Variants in INSR observed in about 807,000 individuals in gnomAD.
INSR encodes IR.
Under a neutral mutation model 142.6 loss-of-function variants are expected in INSR, and 67 were observed. The observed-to-expected ratio is 0.47, with a 90% CI of 0.39 to 0.58. The LOEUF (loss-of-function observed/expected upper bound fraction) is 0.58, where lower values mean the gene tolerates loss of function less well. INSR is among the 20% of genes least tolerant of loss of function. INSR has a pLI of 0.00. For synonymous variants in INSR, 756 were observed against 743.1 expected (o/e 1.02, Z -0.28); for missense variants, 1,248 against 1,833.2 (o/e 0.68, Z 5.83).
intron 1 of INSR, among the ~76,000 whole-genome samples, chr19:7,278,980 T>G (rs1197695659): frequency 6.6e-6 from 1 of 151,890 alleles, no homozygotes; most frequent in Non-Finnish European, 1.5e-5. Flanking sequence ...AATACAAAAA[T>G]TAGCCAGGGA....
intron 1 of INSR, among the ~76,000 whole-genome samples, chr19:7,282,546 G>C (rs774678865): frequency 4.6e-5 from 7 of 151,442 alleles, no homozygotes; most frequent in Non-Finnish European, 1.0e-4. Context: ...GCTGGGCGTG[G>C]TGGCACATGC....
At chr19:7,122,526 A>G in intron 19 of INSR, 88 bp downstream of exon 19, 1 of 1,380,674 alleles carries the variant, frequency 7.2e-7, no homozygotes, top group Non-Finnish European at 1.0e-6. Flanking sequence ...TTATCAGAAA[A>G]GACTTAACGG....
Position 7,293,875 on chromosome 19 carries a change from C to T in INSR, c.17G>A (p.Arg6Gln), listed in dbSNP as rs1968567099. 2 of 1,238,736 alleles carry T rather than the reference C, an allele frequency of 1.6e-6. No individual in the cohort carries two copies. The highest frequency in any genetic ancestry group is 1.6e-5 in the African/African-American group (1 of 63,152). 76.7% of individuals were successfully genotyped at this position (1,238,736 alleles called of 1,614,324 possible). Residue 6 changes from arginine to glutamine, a missense_variant, in exon 1 of 22, where the codon CGG becomes CAG. Arg to Gln is a conservative substitution (Grantham distance 43). Around this residue, in one of 3 missense-constraint regions of INSR, gnomAD observed 57 missense variants for 49.5 expected, o/e 1.15. Coordinates refer to ENST00000302850, the MANE Select transcript of INSR (RefSeq NM_000208.4). ...CAGCGGCGCGGCCGCCGCCCCCCGCCGGCCCCCGGTGGCCATGGCTGCGGG... is the reference window on the plus strand; with the variant it reads ...CAGCGGCGCGGCCGCCGCCCCCCGCTGGCCCCCGGTGGCCATGGCTGCGGG... MATGG[R>Q]RGAAAAPLLV...
Position 7,150,385 on chromosome 19 carries a change from G to T in INSR, c.2267+112C>A. On this transcript the variant is annotated intron_variant, in intron 11 of 21. Coordinates refer to ENST00000302850, the MANE Select transcript of INSR (RefSeq NM_000208.4). The surrounding 1 kb of genome is among the most constrained non-coding windows in gnomAD (Gnocchi z 4.2). Reference sequence around the variant, plus strand: ...GAAGCATCTGCTCTCCAGCACAGCTGCCCGCCGCATGCAAAAAGCCACAGA... The same window carrying T: ...GAAGCATCTGCTCTCCAGCACAGCTTCCCGCCGCATGCAAAAAGCCACAGA... 1 of 896,974 alleles carries T rather than the reference G, an allele frequency of 1.1e-6. No individual in the cohort carries two copies. Among genetic ancestry groups the T allele is most frequent in the Non-Finnish European group, 1.8e-6 (1 of 550,164 alleles). 55.6% of individuals were successfully genotyped at this position (896,974 alleles called of 1,614,324 possible). A position where few individuals can be genotyped will look rare whatever the true frequency, so the allele number is the denominator to read the frequency against.
At chr19:7,131,598 G>A (rs1050481168) in intron 14 of INSR, among the ~76,000 whole-genome samples, 30 of 149,322 alleles carry the variant, frequency 2.0e-4, no homozygotes, top group Admixed American at 5.3e-4. Context: ...TGCCCGCCTC[G>A]GCCTCCCAAA....
At chr19:7,241,177 GT>G (rs80160830) in intron 2 of INSR, among the ~76,000 whole-genome samples, 46,212 of 137,332 alleles carry the variant, frequency 0.34, 8,479 homozygotes, top group African/African-American at 0.54. Flanking sequence ...ATTTTATTTT[GT>G]TTTTTTTTTT....
rs559095741 is a variant in INSR at position 7,197,684 on chromosome 19, A to AGT, written c.653-13049_653-13048dup. On this transcript the variant is annotated intron_variant, in intron 2 of 21. Transcript: ENST00000302850. ...TGTGTTTGGCAGGTTCCAGAGTGGG[A>AGT]GTGTGTGTGTGTGTTTGGCAGGTTC... Among the ~76,000 whole-genome samples, 169 of 92,334 alleles carry AGT rather than the reference A, an allele frequency of 1.8e-3. 3 individuals are homozygous for AGT. Among genetic ancestry groups the AGT allele is most frequent in the Non-Finnish European group, 2.4e-3 (112 of 46,922 alleles). 60.6% of individuals were successfully genotyped at this position (92,334 alleles called of 152,430 possible).
rs1972339598 is a variant in INSR, at chr19:7,116,786, C to T, written c.*270G>A. The stretch of plus-strand genomic sequence containing the variant: ...GGCGGGTGGGGGGAACGAAAAAACA[C>T]AAAATCCTGGTTTGAAACCGTCGTT... On this transcript the variant is annotated 3_prime_UTR_variant, in exon 22 of 22. Transcript: ENST00000302850. 1 of 269,478 alleles carries T rather than the reference C, an allele frequency of 3.7e-6. No homozygotes were observed. The highest frequency in any genetic ancestry group is 1.2e-4 in the South Asian group (1 of 8,376). The allele number at this position is 269,478 out of a possible 1,614,324, so 16.7% of individuals were successfully genotyped here.
At chr19:7,259,112 CT>C (rs1191205358) in intron 2 of INSR, among the ~76,000 whole-genome samples, 4 of 59,594 alleles carry the variant, frequency 6.7e-5, no homozygotes, top group South Asian at 4.6e-4. Context: ...TCCTTCCTTC[CT>C]TTCTTTCCTT....
chr19:7,121,359 G>A (rs1036050029), intron 19 of INSR, among the ~76,000 whole-genome samples: 1 of 152,184 alleles, frequency 6.6e-6, no homozygotes, highest in African/African-American at 2.4e-5. Context: ...CCTTGCTAAT[G>A]TAAGATAATG....
chr19:7,263,139 A>G (rs1286590621), intron 2 of INSR, among the ~76,000 whole-genome samples: 1 of 152,106 alleles, frequency 6.6e-6, no homozygotes, highest in Non-Finnish European at 1.5e-5. Flanking sequence ...TTAGCCGGGC[A>G]TGGTGGCTGG....
At chr19:7,202,984 TG>T (rs886438472) in intron 2 of INSR, among the ~76,000 whole-genome samples, 49 of 89,558 alleles carry the variant, frequency 5.5e-4, no homozygotes, top group Non-Finnish European at 8.8e-4. Flanking sequence ...TGGTTTGGGG[TG>T]GGGTTTTGTT....
At chr19:7,149,330 G>GA (rs909999036) in intron 11 of INSR, among the ~76,000 whole-genome samples, 14 of 151,754 alleles carry the variant, frequency 9.2e-5, no homozygotes, top group Admixed American at 2.0e-4. Context: ...AGGTGCCTGG[G>GA]AAAAAATAAA....
intron 13 of INSR, among the ~76,000 whole-genome samples, chr19:7,135,285 CA>C (rs1277316047): frequency 8.9e-6 from 1 of 112,522 alleles, no homozygotes; most frequent in Non-Finnish European, 1.9e-5. Flanking sequence ...CTATCCAGGA[CA>C]AAGGGGAAAT....
intron 1 of INSR, among the ~76,000 whole-genome samples, chr19:7,271,542 A>G (rs577932455): frequency 6.6e-6 from 1 of 152,140 alleles, no homozygotes; most frequent in African/African-American, 2.4e-5. Context: ...TGCATTCCTG[A>G]TGGGGATGTA....
chr19:7,112,753 G>A lies in INSR; in HGVS notation c.*4303C>T, dbSNP rs1972237356. 1 of 151,936 alleles carries A rather than the reference G, an allele frequency of 6.6e-6. No homozygotes were observed. Among genetic ancestry groups the A allele is most frequent in the South Asian group, 2.1e-4 (1 of 4,792 alleles). 9.4% of individuals were successfully genotyped at this position (151,936 alleles called of 1,614,324 possible). Reference sequence around the variant, plus strand: ...CAGAAGGTAAAAGTAAGCTCAAAAAGCCATTGTGTCCCCTCCCCTCACTCC... The same window carrying A: ...CAGAAGGTAAAAGTAAGCTCAAAAAACCATTGTGTCCCCTCCCCTCACTCC... On this transcript the variant is annotated 3_prime_UTR_variant, in exon 22 of 22. Transcript: ENST00000302850.
intron 2 of INSR, among the ~76,000 whole-genome samples, chr19:7,205,531 A>G (rs1975084589): frequency 6.6e-6 from 1 of 152,106 alleles, no homozygotes; most frequent in South Asian, 2.1e-4. Flanking sequence ...CAGGCCTAAG[A>G]TGGGGACAGT....
At chr19:7,134,842 G>C (rs1480564304) in intron 13 of INSR, among the ~76,000 whole-genome samples, 1 of 151,906 alleles carries the variant, frequency 6.6e-6, no homozygotes, top group Non-Finnish European at 1.5e-5. Context: ...AAATAAAACA[G>C]TTGGGATCCA....
intron 9 of INSR, among the ~76,000 whole-genome samples, chr19:7,161,244 T>G (rs1001610587): frequency 1.3e-5 from 2 of 151,192 alleles, no homozygotes; most frequent in Non-Finnish European, 2.9e-5. Flanking sequence ...ATGCCTTTTT[T>G]TTTTAATTTT....
Sources: gnomAD v4.1 joint callset for allele counts (sites outside exome capture counted in the v4.1 genomes callset) on GRCh38, gnomAD v4.1.1 for gene constraint, gnomAD v4.1.1 regional missense constraint, Gnocchi (gnomAD v3.1) non-coding constraint, MANE v1.5 for transcripts, NCBI Gene and HGNC (gene_info 2026-07-23, HGNC 2026-07-21) for gene names.